The following WDR7 variants were observed in gnomAD, a reference collection of about 807,000 sequenced individuals.
WDR7 encodes the protein WD repeat domain 7, also known as WD repeat-containing protein 7.
WDR7 carries 46 observed loss-of-function variants against 169.4 expected under a neutral mutation model. The ratio of observed to expected loss-of-function variants is 0.27; its 90% confidence interval spans 0.21 to 0.35. WDR7 has a LOEUF of 0.35. Ranked by LOEUF, WDR7 falls within the 10% of genes least tolerant of loss-of-function variation. The pLI, the probability that WDR7 is intolerant of heterozygous loss-of-function variation, is 1.00. For missense variants in WDR7, 1,534 were observed against 1,859.3 expected, an observed-to-expected ratio of 0.83 and a Z score of 3.22; for synonymous variants, 612 against 666.8, an observed-to-expected ratio of 0.92 and a Z score of 1.27.
intron 19 of WDR7, among the ~76,000 whole-genome samples, chr18:56,793,309 A>G (rs2044525229): frequency 6.6e-6 from 1 of 152,204 alleles, no homozygotes; most frequent in Non-Finnish European, 1.5e-5. Flanking sequence ...ATGAGTGCAG[A>G]TTCATATATA....
chr18:56,755,059 A>G (rs1298431021), intron 14 of WDR7, among the ~76,000 whole-genome samples: 4 of 149,984 alleles, frequency 2.7e-5, no homozygotes, highest in Non-Finnish European at 5.9e-5. Flanking sequence ...TTCTCCCTTT[A>G]TGTTTCTTTT....
rs1293079100 is a variant in WDR7, at chr18:56,698,371, C to G, written c.1578+1909C>G. 3.3e-5 allele frequency among the ~76,000 whole-genome samples: 5 copies of G among 152,064 alleles called. No homozygotes were observed. In the South Asian group the frequency reaches 1.0e-3, roughly 32 times the overall value. ...CCTGTAATCCCAGCACTTTGGGAGG[C>G]TGAGAGGGGCGGATCACGAGGTCAG... is the stretch of plus-strand genomic sequence containing the variant. On this transcript the variant is annotated intron_variant, in intron 12 of 27. Coordinates refer to ENST00000254442, the MANE Select transcript of WDR7 (RefSeq NM_015285.3).
chr18:57,003,611 A>T (rs959349235), intron 26 of WDR7, among the ~76,000 whole-genome samples: 2 of 152,236 alleles, frequency 1.3e-5, no homozygotes, highest in East Asian at 3.9e-4. Context: ...CTAGTATTAA[A>T]TAGCTGTCTT....
intron 26 of WDR7, among the ~76,000 whole-genome samples, chr18:56,972,164 A>G (rs2145804303): frequency 6.6e-6 from 1 of 152,338 alleles, no homozygotes; most frequent in East Asian, 1.9e-4. Context: ...CAAGCACTCT[A>G]AGACACTAGA....
intron 19 of WDR7, among the ~76,000 whole-genome samples, chr18:56,797,952 T>C (rs944999220): frequency 6.6e-6 from 1 of 152,188 alleles, no homozygotes; most frequent in East Asian, 1.9e-4. Flanking sequence ...GTAAATATTC[T>C]TTTCTATTTT....
intron 21 of WDR7, among the ~76,000 whole-genome samples, chr18:56,888,074 A>G (rs1266089056): frequency 6.6e-6 from 1 of 152,250 alleles, no homozygotes; most frequent in African/African-American, 2.4e-5. Flanking sequence ...TAATGTAGTT[A>G]GAGGCATAGA....
At chr18:56,992,724 G>A (rs1037511467) in intron 26 of WDR7, among the ~76,000 whole-genome samples, 6 of 152,104 alleles carry the variant, frequency 3.9e-5, no homozygotes, top group African/African-American at 1.2e-4. Context: ...ATTTTCTGGC[G>A]CATTGTCTTC....
chr18:56,988,418 T>A (rs980535768), intron 26 of WDR7, among the ~76,000 whole-genome samples: 13 of 152,344 alleles, frequency 8.5e-5, no homozygotes, highest in Admixed American at 7.2e-4. Context: ...AATTGGTGCT[T>A]CTATAAAATT....
chr18:57,020,789 T>A lies in WDR7; in HGVS notation c.4209T>A (p.Ala1403=). 1.2e-6 allele frequency: 2 copies of A among 1,614,222 alleles called. No individual in the cohort carries two copies. Among genetic ancestry groups the A allele is most frequent in the Non-Finnish European group, 8.5e-7 (1 of 1,180,040 alleles). The change falls in exon 27 of 28, where the codon GCT becomes GCA. Residue 1403 remains alanine (A), a synonymous_variant. Transcript: ENST00000254442. ...GACCAATCACTGCAGTGGCTTTTGC[T>A]CCTGATGGAAGATATCTTGCCACCT... ...HKGPITAVAF[A]PDGRYLATYS...
Position 56,822,077 on chromosome 18 carries a change from A to C in WDR7, c.3304+5933A>C, listed in dbSNP as rs369935551. Among the ~76,000 whole-genome samples the C allele has an allele frequency of 4.6e-4, 70 of 152,290 alleles. 2 individuals carry two copies. The South Asian group carries it at 0.014, about 30-fold the overall frequency. ...GAGTAGCTGGTACTACAGGTGTGCT[A>C]CTGTGTCCATCTAGTCCCATTATTT... On this transcript the variant is annotated intron_variant, in intron 20 of 27. Transcript: ENST00000254442.
In WDR7 at chr18:56,957,646, A is replaced by G. The variant is rs190680189; in HGVS notation, c.4065-4784A>G. 2.0e-3 allele frequency among the ~76,000 whole-genome samples: 302 copies of G among 152,264 alleles called. 5 individuals are homozygous for G. Among genetic ancestry groups the G allele is most frequent in the Non-Finnish European group, 4.1e-4 (28 of 68,010 alleles). ...TACTTTTGAAAATACATATACAGAT[A>G]CTTAGGACAGTGCCTGATACATAAT... On this transcript the variant is annotated intron_variant, in intron 25 of 27. Transcript: ENST00000254442.
chr18:56,681,827 C>T (rs985656917), intron 4 of WDR7, among the ~76,000 whole-genome samples: 7 of 152,166 alleles, frequency 4.6e-5, no homozygotes, highest in African/African-American at 1.4e-4. Flanking sequence ...ATTTTTAAAA[C>T]TTTCCAACTC....
intron 27 of WDR7, among the ~76,000 whole-genome samples, chr18:57,022,794 T>G (rs2048309611): frequency 6.6e-6 from 1 of 152,234 alleles, no homozygotes. Flanking sequence ...GATGGCTTCC[T>G]TTTCAGGTAA....
chr18:56,991,185 C>T (rs113162326), intron 26 of WDR7, among the ~76,000 whole-genome samples: 11 of 134,630 alleles, frequency 8.2e-5, no homozygotes, highest in African/African-American at 2.8e-4. Flanking sequence ...CTCGCTCTGT[C>T]GCCCAGGCTG....
At chr18:56,930,775 C>T (rs557939325) in intron 22 of WDR7, among the ~76,000 whole-genome samples, 1 of 152,124 alleles carries the variant, frequency 6.6e-6, no homozygotes, top group East Asian at 1.9e-4. Flanking sequence ...TTACCCTGTT[C>T]CTATTGACCA....
intron 1 of WDR7, among the ~76,000 whole-genome samples, chr18:56,665,927 T>C (rs1257079831): frequency 2.6e-5 from 4 of 152,104 alleles, no homozygotes; most frequent in African/African-American, 4.8e-5. Flanking sequence ...GTTCTGAAGA[T>C]GGGATGACCC....
chr18:56,902,236 T>C (rs932828362), intron 21 of WDR7, among the ~76,000 whole-genome samples: 15 of 152,190 alleles, frequency 9.9e-5, no homozygotes, highest in Non-Finnish European at 1.8e-4. Context: ...TTCTAAAGTA[T>C]AGCAATATTA....
intron 12 of WDR7, among the ~76,000 whole-genome samples, chr18:56,700,256 T>C (rs1413722443): frequency 1.1e-5 from 1 of 92,750 alleles, no homozygotes; most frequent in African/African-American, 4.1e-5. Context: ...CATTTTCTTT[T>C]TTTTTTTTTT....
chr18:56,945,991 A>G (rs1038222650), intron 25 of WDR7, among the ~76,000 whole-genome samples: 8 of 152,228 alleles, frequency 5.3e-5, no homozygotes, highest in Admixed American at 3.9e-4. Flanking sequence ...ATACACCATG[A>G]GCTTTTAAAG....
Sources: gnomAD v4.1 joint callset for allele counts (sites outside exome capture counted in the v4.1 genomes callset) on GRCh38, gnomAD v4.1.1 for gene constraint, MANE v1.5 for transcripts, NCBI Gene and HGNC (gene_info 2026-07-23, HGNC 2026-07-21) for gene names.